SPATA16: variants seen among roughly 807,000 people sequenced by gnomAD.
The protein encoded by SPATA16 is spermatogenesis-associated protein 16.
In SPATA16, 36 loss-of-function variants were observed where a neutral mutation model predicts 63.3. The observed-to-expected ratio is 0.57, with a 90% CI of 0.44 to 0.75. SPATA16 has a LOEUF of 0.75. SPATA16 is among the 30% of genes least tolerant of loss of function. SPATA16 has a pLI of 0.00. For synonymous variants in SPATA16, 203 were observed against 216.7 expected, an observed-to-expected ratio of 0.94 and a Z score of 0.56; for missense variants, 646 against 679.3, an observed-to-expected ratio of 0.95 and a Z score of 0.54.
At chr3:173,108,054 T>G (rs1447891046) in intron 2 of SPATA16, among the ~76,000 whole-genome samples, 1 of 152,162 alleles carries the variant, frequency 6.6e-6, no homozygotes, top group Non-Finnish European at 1.5e-5. Flanking sequence ...TTACTGTCAT[T>G]TGAATCAAAC....
At chr3:173,100,707 CAGAGT>C (rs1250158625) in intron 2 of SPATA16, among the ~76,000 whole-genome samples, 2 of 143,810 alleles carry the variant, frequency 1.4e-5, no homozygotes, top group Middle Eastern at 3.4e-3. Flanking sequence ...CACACACACA[CAGAGT>C]AAATTCTTGT....
At position 172,899,071 on chromosome 3, in the gene SPATA16, A is replaced by G. The variant is rs182205771; in HGVS notation, c.1588-9379T>C. Reference sequence around the variant, plus strand: ...GATTTCAGTTTTTAGAAATTTGTTTAAGTTTGTTATGATCCAGAATAGCAT... The same window carrying G: ...GATTTCAGTTTTTAGAAATTTGTTTGAGTTTGTTATGATCCAGAATAGCAT... On this transcript the variant is annotated intron_variant, in intron 10 of 10. Transcript: ENST00000351008. Among the ~76,000 whole-genome samples, 102 of 152,016 alleles carry G rather than the reference A, an allele frequency of 6.7e-4. 1 individual carries two copies. Among genetic ancestry groups the G allele is most frequent in the African/African-American group, 2.3e-3 (96 of 41,558 alleles).
intron 10 of SPATA16, among the ~76,000 whole-genome samples, chr3:172,911,782 C>T (rs1241849001): frequency 6.6e-6 from 1 of 152,152 alleles, no homozygotes; most frequent in African/African-American, 2.4e-5. Flanking sequence ...TTGAACAAGG[C>T]CTATAGATGT....
chr3:173,105,775 C>G (rs1388186924), intron 2 of SPATA16, among the ~76,000 whole-genome samples: 1 of 150,354 alleles, frequency 6.7e-6, no homozygotes, highest in Non-Finnish European at 1.5e-5. Flanking sequence ...CTCCCTCCCT[C>G]CCTGTCTTCA....
chr3:173,019,549 A>G lies in SPATA16; in HGVS notation c.785T>C (p.Phe262Ser). ...TGTTGCTTGACGAAGATGATTCCGG[A>G]AATAGGCTGGGTTTAAAACAATGCT... ...HRSIVLNPAY[F>S]RNHLRQATVF... The change falls in exon 4 of 11, where the codon TTC becomes TCC. Residue 262 changes from phenylalanine to serine, a missense_variant. Physicochemically the swap from Phe to Ser is radical, Grantham distance 155. Coordinates refer to ENST00000351008, the MANE Select transcript of SPATA16 (RefSeq NM_031955.6). 6.2e-7 allele frequency: 1 copy of G among 1,614,088 alleles called. No homozygotes were observed. The highest frequency in any genetic ancestry group is 2.2e-5 in the East Asian group (1 of 44,862).
intron 6 of SPATA16, among the ~76,000 whole-genome samples, chr3:172,953,845 G>T (rs1199457586): frequency 1.3e-5 from 2 of 152,192 alleles, no homozygotes; most frequent in African/African-American, 2.4e-5. Flanking sequence ...GGTTAGATAG[G>T]TTCTAAAGAT....
rs533331211 is a variant in SPATA16 at position 173,076,576 on chromosome 3, A to G, written c.613-27482T>C. On this transcript the variant is annotated intron_variant, in intron 2 of 10. Transcript: ENST00000351008. ...ACACCTAAAATTTTTATTGAATGCT[A>G]TAAGTCTAAAAAAATTATTTTAAAC... Among the ~76,000 whole-genome samples, 7 of 152,228 alleles carry G rather than the reference A, an allele frequency of 4.6e-5. No individual in the cohort carries two copies. The South Asian group carries it at 6.2e-4, about 14-fold the overall frequency.
chr3:172,967,511 A>T (rs950504309), intron 5 of SPATA16, among the ~76,000 whole-genome samples: 1 of 152,192 alleles, frequency 6.6e-6, no homozygotes, highest in Admixed American at 6.5e-5. Context: ...TGGGAGTCTC[A>T]TTATGTTGCC....
intron 3 of SPATA16, among the ~76,000 whole-genome samples, chr3:173,033,297 AT>A (rs1735645287): frequency 6.6e-6 from 1 of 152,084 alleles, no homozygotes; most frequent in African/African-American, 2.4e-5. Flanking sequence ...ATAAATTCCC[AT>A]TTATTTCTTC....
At chr3:172,896,148 G>A (rs1436392527) in intron 10 of SPATA16, among the ~76,000 whole-genome samples, 1 of 152,100 alleles carries the variant, frequency 6.6e-6, no homozygotes, top group Non-Finnish European at 1.5e-5. Context: ...TGCAGGGTCT[G>A]CCAAATATCT....
intron 4 of SPATA16, among the ~76,000 whole-genome samples, chr3:173,016,704 T>C (rs941437852): frequency 3.3e-5 from 5 of 152,078 alleles, no homozygotes; most frequent in African/African-American, 1.2e-4. Flanking sequence ...AAATCTCCAA[T>C]AGATTGATTG....
intron 6 of SPATA16, among the ~76,000 whole-genome samples, chr3:172,949,380 A>G (rs181001257): frequency 9.1e-4 from 138 of 152,324 alleles, no homozygotes; most frequent in African/African-American, 3.3e-3. Context: ...AGAAATAAAT[A>G]GGATTTGAAT....
At chr3:173,125,150 A>C (rs1458903197) in intron 1 of SPATA16, among the ~76,000 whole-genome samples, 1 of 152,124 alleles carries the variant, frequency 6.6e-6, no homozygotes, top group Admixed American at 6.6e-5. Flanking sequence ...GTGCATGCCA[A>C]CCACATCCCC....
intron 2 of SPATA16, among the ~76,000 whole-genome samples, chr3:173,077,319 A>G (rs1012327742): frequency 2.0e-5 from 3 of 152,174 alleles, no homozygotes; most frequent in African/African-American, 7.2e-5. Context: ...GGCAGCGGGA[A>G]TCTAGAAAAA....
At chr3:172,961,226 T>G (rs973599407) in intron 5 of SPATA16, among the ~76,000 whole-genome samples, 2 of 151,936 alleles carry the variant, frequency 1.3e-5, no homozygotes, top group Admixed American at 1.3e-4. Context: ...AATTAGAAAA[T>G]GTGATGATGA....
At chr3:172,896,648 TA>T (rs1471776832) in intron 10 of SPATA16, among the ~76,000 whole-genome samples, 203 of 152,368 alleles carry the variant, frequency 1.3e-3, no homozygotes, top group African/African-American at 4.8e-3. Context: ...GCCATTTTAA[TA>T]GGTGTGTAGT....
At chr3:173,120,655 T>C (rs1445892535) in intron 1 of SPATA16, among the ~76,000 whole-genome samples, 1 of 152,156 alleles carries the variant, frequency 6.6e-6, no homozygotes, top group African/African-American at 2.4e-5. Flanking sequence ...TGCATAAAGT[T>C]ATCTTTATAG....
chr3:173,056,424 C>A (rs143237890), intron 2 of SPATA16, among the ~76,000 whole-genome samples: 17 of 152,146 alleles, frequency 1.1e-4, no homozygotes, highest in Non-Finnish European at 1.8e-4. Context: ...TAAGAAATGC[C>A]GGGCGCAGTG....
chr3:173,005,414 T>G (rs1251399969), intron 4 of SPATA16, among the ~76,000 whole-genome samples: 2 of 152,022 alleles, frequency 1.3e-5, no homozygotes, highest in African/African-American at 4.8e-5. Flanking sequence ...ACATGACATT[T>G]TGGGGCCTCT....
Sources: gnomAD v4.1 joint callset for allele counts (sites outside exome capture counted in the v4.1 genomes callset) on GRCh38, gnomAD v4.1.1 for gene constraint, MANE v1.5 for transcripts, NCBI Gene and HGNC (gene_info 2026-07-23, HGNC 2026-07-21) for gene names.